EPHA5: variants seen among roughly 807,000 people sequenced by gnomAD.
EPHA5 encodes the protein ephrin type-A receptor 5.
A neutral mutation model predicts 105.0 loss-of-function variants in EPHA5; 60 were observed. The ratio of observed to expected loss-of-function variants is 0.57; its 90% CI spans 0.46 to 0.71. The LOEUF is 0.71. Among genes scored for constraint, EPHA5 ranks in the 30% least tolerant of loss-of-function variants. The pLI, the probability that EPHA5 is intolerant of heterozygous loss-of-function variation, is 0.00. For missense variants in EPHA5, 1,218 were observed against 1,274.7 expected (o/e 0.96, Z 0.68); for synonymous variants, 513 against 449.1 (o/e 1.14, Z -1.80).
At chr4:65,379,053 A>G (rs571383142) in intron 8 of EPHA5, among the ~76,000 whole-genome samples, 20 of 151,968 alleles carry the variant, frequency 1.3e-4, no homozygotes, top group African/African-American at 4.8e-4. Context: ...ACACAAATAT[A>G]CTTCTAGTTG....
chr4:65,635,964 G>A (rs1747088099), intron 2 of EPHA5, among the ~76,000 whole-genome samples: 1 of 152,052 alleles, frequency 6.6e-6, no homozygotes, highest in Non-Finnish European at 1.5e-5. Context: ...AGTCTATTGG[G>A]TTTACTATTA....
Position 65,320,954 on chromosome 4 carries a change from C to T in EPHA5, c.*3160G>A, listed in dbSNP as rs1488521097. 2 of 230,066 alleles carry T rather than the reference C, an allele frequency of 8.7e-6. No individual in the cohort carries two copies. The highest frequency in any genetic ancestry group is 1.7e-5 in the Non-Finnish European group (2 of 116,114). The allele number at this position is 230,066 out of a possible 1,614,324, so 14.3% of individuals were successfully genotyped here. A position where few individuals can be genotyped will look rare whatever the true frequency, so the allele number is the denominator to read the frequency against. ...AAGAAATAAAAGATCATGCACATTA[C>T]AATTTTAAAACATAGGAAAATCAAA... On this transcript the variant is annotated 3_prime_UTR_variant, in exon 17 of 17. Coordinates refer to ENST00000613740, the MANE Select transcript of EPHA5 (RefSeq NM_001281766.3).
intron 8 of EPHA5, among the ~76,000 whole-genome samples, chr4:65,399,077 G>T (rs1721545994): frequency 6.6e-6 from 1 of 152,168 alleles, no homozygotes; most frequent in Non-Finnish European, 1.5e-5. Flanking sequence ...GGGGAGCCCA[G>T]ACCTATGGGT....
intron 15 of EPHA5, 27 bp downstream of exon 15, chr4:65,335,905 G>T: frequency 1.3e-6 from 2 of 1,559,790 alleles, no homozygotes; most frequent in Non-Finnish European, 1.7e-6. Context: ...CTACATTCTG[G>T]AAAATCACTC....
chr4:65,559,725 A>G (rs1578422968), intron 3 of EPHA5, among the ~76,000 whole-genome samples: 1 of 152,164 alleles, frequency 6.6e-6, no homozygotes, highest in African/African-American at 2.4e-5. Context: ...CTTCTAGAAA[A>G]TAAAAATAAT....
chr4:65,536,084 A>G (rs991126816), intron 3 of EPHA5, among the ~76,000 whole-genome samples: 35 of 152,026 alleles, frequency 2.3e-4, no homozygotes, highest in African/African-American at 8.2e-4. Flanking sequence ...TGTTTTTAAC[A>G]TACTTTATAT....
intron 2 of EPHA5, among the ~76,000 whole-genome samples, chr4:65,637,604 A>ATATATATATATATATATATATAT (rs1747260923): frequency 6.9e-6 from 1 of 144,698 alleles, no homozygotes; most frequent in South Asian, 2.2e-4. Flanking sequence ...ATATACGTAT[A>ATATATATATATATATATATATAT]TGCTAAAACA....
rs1719832450 is a variant in EPHA5 at position 65,323,900 on chromosome 4, C to A, written c.*214G>T. 7.4e-6 allele frequency: 3 copies of A among 403,048 alleles called. No individual in the cohort carries two copies. The highest frequency in any genetic ancestry group is 7.8e-5 in the East Asian group (2 of 25,590). 25.0% of individuals were successfully genotyped at this position (403,048 alleles called of 1,614,324 possible). On this transcript the variant is annotated 3_prime_UTR_variant, in exon 17 of 17. Coordinates refer to ENST00000613740, the MANE Select transcript of EPHA5 (RefSeq NM_001281766.3). ...GTCTAACTTCATGTCCCTTTTAATG[C>A]AAGATATGTTTGCTTCATGAAAAAT...
At chr4:65,493,672 C>T (rs1401156010) in intron 4 of EPHA5, among the ~76,000 whole-genome samples, 1 of 151,914 alleles carries the variant, frequency 6.6e-6, no homozygotes, top group African/African-American at 2.4e-5. Context: ...TAGAAATTCA[C>T]ACACCTGGAA....
intron 5 of EPHA5, among the ~76,000 whole-genome samples, chr4:65,471,833 T>C (rs997706933): frequency 6.6e-6 from 1 of 152,170 alleles, no homozygotes. Context: ...TAATTGAAGA[T>C]GAGATTTCGG....
chr4:65,420,530 T>C lies in EPHA5; in HGVS notation c.1438A>G (p.Ile480Val). The C allele has an allele frequency of 1.9e-6, 3 of 1,613,178 alleles. No homozygotes were observed. The highest frequency in any genetic ancestry group is 2.5e-6 in the Non-Finnish European group (3 of 1,179,504). ...GACAAAGAGATGCTGTTTTTTGCAATTTTCCCTTTTTTCACATTGGTGACT... is the reference window on the plus strand; with the variant it reads ...GACAAAGAGATGCTGTTTTTTGCAACTTTCCCTTTTTTCACATTGGTGACT... ...SPVTNVKKGK[I>V]AKNSISLSWQ... is the part of the protein sequence containing the mutation. The change falls in exon 6 of 17, where the codon ATT becomes GTT. Residue 480 changes from isoleucine to valine, a missense_variant. Ile to Val is a conservative substitution (Grantham distance 29). Around this residue, in one of 3 missense-constraint regions of EPHA5, gnomAD observed 971 missense variants for 1,013.5 expected, o/e 0.96. Transcript: ENST00000613740.
chr4:65,569,781 G>A (rs1739928220), intron 3 of EPHA5, among the ~76,000 whole-genome samples: 2 of 151,638 alleles, frequency 1.3e-5, no homozygotes, highest in African/African-American at 4.8e-5. Flanking sequence ...TCAAAATGAA[G>A]TATCTGGAAC....
At chr4:65,653,329 A>C (rs2149532374) in intron 1 of EPHA5, among the ~76,000 whole-genome samples, 1 of 152,232 alleles carries the variant, frequency 6.6e-6, no homozygotes, top group South Asian at 2.1e-4. Flanking sequence ...GTTTAGTCAA[A>C]ATTTAATATT....
intron 8 of EPHA5, among the ~76,000 whole-genome samples, chr4:65,376,825 T>C (rs1346040722): frequency 6.6e-6 from 1 of 152,054 alleles, no homozygotes; most frequent in Admixed American, 6.6e-5. Flanking sequence ...TGATGTGCCA[T>C]ATGTATAATA....
intron 2 of EPHA5, among the ~76,000 whole-genome samples, chr4:65,610,866 A>T (rs1227389659): frequency 6.6e-6 from 1 of 152,210 alleles, no homozygotes; most frequent in Admixed American, 6.5e-5. Flanking sequence ...GTACCACTGT[A>T]TATGGAGACA....
intron 5 of EPHA5, among the ~76,000 whole-genome samples, chr4:65,487,854 C>T (rs987943297): frequency 2.0e-5 from 3 of 152,104 alleles, no homozygotes; most frequent in Admixed American, 6.6e-5. Flanking sequence ...TTGCAATTTC[C>T]CTGTCTTGAT....
At chr4:65,426,227 C>G (rs553886613) in intron 5 of EPHA5, among the ~76,000 whole-genome samples, 17 of 152,164 alleles carry the variant, frequency 1.1e-4, no homozygotes, top group Middle Eastern at 3.4e-3. Context: ...TTTATCTTTC[C>G]TTGATTTTCC....
At chr4:65,521,505 C>T (rs1016874599) in intron 3 of EPHA5, among the ~76,000 whole-genome samples, 1 of 151,964 alleles carries the variant, frequency 6.6e-6, no homozygotes, top group Admixed American at 6.6e-5. Context: ...CACATGTACC[C>T]TAGAACTTAA....
At chr4:65,408,186 AGGGT>A (rs1722554284) in intron 7 of EPHA5, among the ~76,000 whole-genome samples, 9 of 152,148 alleles carry the variant, frequency 5.9e-5, no homozygotes, top group Admixed American at 5.9e-4. Flanking sequence ...AATAATTTAC[AGGGT>A]ACTGTCAATG....
Sources: gnomAD v4.1 joint callset for allele counts (sites outside exome capture counted in the v4.1 genomes callset) on GRCh38, gnomAD v4.1.1 for gene constraint, gnomAD v4.1.1 regional missense constraint, MANE v1.5 for transcripts, NCBI Gene and HGNC (gene_info 2026-07-23, HGNC 2026-07-21) for gene names.